ARK2N: variants seen among roughly 807,000 people sequenced by gnomAD.
The protein encoded by ARK2N is protein ARK2N.
the ARK2N span, among the ~76,000 whole-genome samples, chr18:46,197,267 A>G: frequency 4.6e-5 from 7 of 151,516 alleles, no homozygotes; most frequent in Admixed American, 2.0e-4. Flanking sequence ...TTTTTTTGAG[A>G]CAGAGTCTGG....
At chr18:46,197,019 G>C in the ARK2N span, among the ~76,000 whole-genome samples, 1 of 152,070 alleles carries the variant, frequency 6.6e-6, no homozygotes, top group African/African-American at 2.4e-5. Context: ...CCTCATCTTG[G>C]AAATCATAGA....
At chr18:46,186,901 C>T in the ARK2N span, among the ~76,000 whole-genome samples, 2 of 151,194 alleles carry the variant, frequency 1.3e-5, no homozygotes, top group Non-Finnish European at 1.5e-5. Context: ...GTTGCCCAGG[C>T]TGGAGTGCAG....
the ARK2N span, among the ~76,000 whole-genome samples, chr18:46,192,935 G>A: frequency 1.3e-4 from 20 of 149,930 alleles, no homozygotes; most frequent in South Asian, 3.8e-3. Context: ...AGTGGCTCAC[G>A]CCTGGAATCC....
At chr18:46,265,015 A>G in the ARK2N span, 1 of 152,656 alleles carries the variant, frequency 6.6e-6, no homozygotes, top group African/African-American at 2.4e-5. Flanking sequence ...GACAAAAACC[A>G]AAGACCCAGA....
At chr18:46,229,966 G>A in the ARK2N span, among the ~76,000 whole-genome samples, 1 of 151,842 alleles carries the variant, frequency 6.6e-6, no homozygotes, top group Admixed American at 6.6e-5. Context: ...TCGCTTTGTC[G>A]CCCAGGCTAT....
At chr18:46,241,741 G>T in the ARK2N span, among the ~76,000 whole-genome samples, 1 of 151,962 alleles carries the variant, frequency 6.6e-6, no homozygotes, top group East Asian at 1.9e-4. Flanking sequence ...AAAGAAAAAA[G>T]AAGTAATAAT....
At chr18:46,210,069 C>G in the ARK2N span, among the ~76,000 whole-genome samples, 1 of 152,162 alleles carries the variant, frequency 6.6e-6, no homozygotes, top group African/African-American at 2.4e-5. Flanking sequence ...AAAATACTTT[C>G]TCTCATAAAG....
chr18:46,259,065 C>G, the ARK2N span, among the ~76,000 whole-genome samples: 2 of 152,052 alleles, frequency 1.3e-5, no homozygotes, highest in African/African-American at 4.8e-5. Flanking sequence ...CATCCATCTC[C>G]TAACTCCCAT....
the ARK2N span, among the ~76,000 whole-genome samples, chr18:46,260,059 A>G: frequency 6.6e-6 from 1 of 151,790 alleles, no homozygotes; most frequent in Admixed American, 6.6e-5. Flanking sequence ...GTTTTTGAAC[A>G]AATCTTAAAG....
chr18:46,184,312 C>T, the ARK2N span, among the ~76,000 whole-genome samples: 6 of 152,166 alleles, frequency 3.9e-5, no homozygotes, highest in South Asian at 2.1e-4. Context: ...TTAATAGAGA[C>T]GGGGTTTCAG....
At chr18:46,242,404 A>G in the ARK2N span, among the ~76,000 whole-genome samples, 1 of 152,230 alleles carries the variant, frequency 6.6e-6, no homozygotes, top group Non-Finnish European at 1.5e-5. Context: ...CGGTTTTAAA[A>G]TATCATTAAA....
the ARK2N span, among the ~76,000 whole-genome samples, chr18:46,202,237 C>T: frequency 0.72 from 109,840 of 152,104 alleles, 39,827 homozygotes; most frequent in Middle Eastern, 0.76. Context: ...CTTTGAGTTT[C>T]TCTTACTTTG....
the ARK2N span, among the ~76,000 whole-genome samples, chr18:46,224,451 G>A: frequency 6.6e-6 from 1 of 152,164 alleles, no homozygotes; most frequent in African/African-American, 2.4e-5. Context: ...GTATGGGCCA[G>A]CTGACAAAAC....
chr18:46,181,695 A>G, the ARK2N span, among the ~76,000 whole-genome samples: 4 of 152,168 alleles, frequency 2.6e-5, no homozygotes, highest in Admixed American at 2.6e-4. Context: ...AGCCTGGGCG[A>G]CAGAGCGAGA....
the ARK2N span, among the ~76,000 whole-genome samples, chr18:46,233,365 T>C: frequency 6.6e-6 from 1 of 152,178 alleles, no homozygotes; most frequent in Non-Finnish European, 1.5e-5. Context: ...ACAGATATTT[T>C]AGTTTTTTTA....
chr18:46,229,433 C>T, the ARK2N span, among the ~76,000 whole-genome samples: 8 of 146,052 alleles, frequency 5.5e-5, no homozygotes, highest in African/African-American at 1.0e-4. Context: ...CTGCAAGCTC[C>T]GTCTCCCGGG....
At chr18:46,225,568 C>T in the ARK2N span, among the ~76,000 whole-genome samples, 30 of 152,276 alleles carry the variant, frequency 2.0e-4, no homozygotes, top group African/African-American at 7.2e-4. Context: ...AAGCGATTCT[C>T]CTGTCTCAGC....
chr18:46,194,998 C>T, the ARK2N span, among the ~76,000 whole-genome samples: 197 of 151,258 alleles, frequency 1.3e-3, 2 homozygotes, highest in African/African-American at 4.2e-3. Flanking sequence ...GACGGGGTTT[C>T]GCCATGTTGA....
chr18:46,265,490 T>C, the ARK2N span: 1 of 152,302 alleles, frequency 6.6e-6, no homozygotes, highest in Non-Finnish European at 1.5e-5. Context: ...TTTGCCTTTA[T>C]GTCAGCTTGC....
Sources: allele counts gnomAD v4.1 joint callset (sites outside exome capture counted in the v4.1 genomes callset), GRCh38; gene constraint gnomAD v4.1.1; transcripts MANE v1.5; gene names NCBI Gene and HGNC (gene_info 2026-07-23, HGNC 2026-07-21).